ZFAND3: variants seen among roughly 807,000 people sequenced by gnomAD.
ZFAND3 encodes zinc finger AN1-type containing 3.
Under a neutral mutation model 29.6 loss-of-function variants are expected in ZFAND3, and 10 were observed. That is an observed-to-expected ratio of 0.34 (90% CI 0.21 to 0.57). The LOEUF (loss-of-function observed/expected upper bound fraction) is 0.57, where lower values mean the gene tolerates loss of function less well. Ranked by LOEUF, ZFAND3 falls within the 20% of genes least tolerant of loss-of-function variation. ZFAND3 has a pLI of 0.86. For missense variants in ZFAND3, 230 were observed against 304.5 expected, an observed-to-expected ratio of 0.76 and a Z score of 1.82; for synonymous variants, 128 against 112.6, an observed-to-expected ratio of 1.14 and a Z score of -0.87.
At chr6:38,049,945 AT>A (rs869286080) in intron 2 of ZFAND3, among the ~76,000 whole-genome samples, 793 of 30,318 alleles carry the variant, frequency 0.026, 5 homozygotes, top group African/African-American at 0.055. Flanking sequence ...TAGGCAATTA[AT>A]TTTTTTTTTT....
Position 38,061,723 on chromosome 6 carries a change from C to T in ZFAND3, c.243C>T (p.Ser81=). The T allele has an allele frequency of 6.2e-7, 1 of 1,614,138 alleles. No homozygotes were observed. The highest frequency in any genetic ancestry group is 1.3e-5 in the African/African-American group (1 of 75,036). The change falls in exon 3 of 6, where the codon AGC becomes AGT. Residue 81 remains serine, a synonymous_variant. Transcript: ENST00000287218. ...TAACCACGCCAACTCTTAGTCCCAG[C>T]CAGCAGCCGCTTCCGACAGAACTGA... ...TSITTPTLSP[S]QQPLPTELNV... is the part of the protein sequence containing the mutation.
At chr6:37,829,702 A>G (rs185948882) in intron 1 of ZFAND3, among the ~76,000 whole-genome samples, 2 of 152,284 alleles carry the variant, frequency 1.3e-5, no homozygotes, top group African/African-American at 4.8e-5. Flanking sequence ...AGTCACTGTT[A>G]ACTAGCTCAC....
chr6:38,049,954 T>TATTTA (rs1466452488), intron 2 of ZFAND3, among the ~76,000 whole-genome samples: 7 of 10,790 alleles, frequency 6.5e-4, no homozygotes, highest in Admixed American at 2.0e-3. Flanking sequence ...AATTTTTTTT[T>TATTTA]TTTTTTTTTT....
At chr6:37,887,679 TC>T (rs1324785025) in intron 1 of ZFAND3, among the ~76,000 whole-genome samples, 17 of 152,220 alleles carry the variant, frequency 1.1e-4, no homozygotes, top group Non-Finnish European at 1.3e-4. Flanking sequence ...CATGTATGCA[TC>T]TTCTCTGTTA....
chr6:38,031,483 G>A (rs1049592773), intron 2 of ZFAND3, among the ~76,000 whole-genome samples: 4 of 152,106 alleles, frequency 2.6e-5, no homozygotes, highest in African/African-American at 9.7e-5. Flanking sequence ...GTTCAGTCCT[G>A]TCCTCAATTC....
intron 4 of ZFAND3, among the ~76,000 whole-genome samples, chr6:38,112,106 A>G (rs1472761190): frequency 6.6e-6 from 1 of 152,224 alleles, no homozygotes; most frequent in East Asian, 1.9e-4. Context: ...TAATCACATT[A>G]TGATTCTTGA....
At chr6:38,143,497 T>C (rs1451568565) in intron 5 of ZFAND3, among the ~76,000 whole-genome samples, 7 of 152,380 alleles carry the variant, frequency 4.6e-5, no homozygotes, top group Middle Eastern at 3.4e-3. Flanking sequence ...TGCTTTTGGT[T>C]CTAACATTTA....
chr6:38,151,851 G>A (rs1766233050), intron 5 of ZFAND3, among the ~76,000 whole-genome samples: 1 of 152,032 alleles, frequency 6.6e-6, no homozygotes, highest in Non-Finnish European at 1.5e-5. Context: ...GGCATCCTGT[G>A]GTGGAAATCA....
intron 5 of ZFAND3, among the ~76,000 whole-genome samples, chr6:38,134,472 T>C (rs9462385): frequency 0.033 from 4,973 of 152,288 alleles, 221 homozygotes; most frequent in African/African-American, 0.096. Flanking sequence ...TTCTTTTTTT[T>C]CCTTCTCCTC....
At chr6:38,052,458 A>C (rs970303310) in intron 2 of ZFAND3, among the ~76,000 whole-genome samples, 1 of 152,200 alleles carries the variant, frequency 6.6e-6, no homozygotes, top group Non-Finnish European at 1.5e-5. Flanking sequence ...AATTGTCTGT[A>C]AGAGAATTAA....
In ZFAND3 at chr6:37,847,021, AT is replaced by A. The variant is rs76512998; in HGVS notation, c.71+27010del. On this transcript the variant is annotated intron_variant, in intron 1 of 5. Coordinates refer to ENST00000287218, the MANE Select transcript of ZFAND3 (RefSeq NM_021943.3). Reference sequence around the variant, plus strand: ...CCACTGTGCCTGGCGTATACTTGTGATTTTTATTCAGGTAGGTTTTGCATTT... The same window carrying A: ...CCACTGTGCCTGGCGTATACTTGTGATTTTATTCAGGTAGGTTTTGCATTT... Among the ~76,000 whole-genome samples, 2,572 of 152,024 alleles carry A rather than the reference AT, an allele frequency of 0.017. 251 individuals are homozygous for A. The East Asian group carries it at 0.28, about 17-fold the overall frequency.
At chr6:38,066,527 G>A (rs1420884000) in intron 3 of ZFAND3, among the ~76,000 whole-genome samples, 3 of 152,180 alleles carry the variant, frequency 2.0e-5, no homozygotes, top group South Asian at 2.1e-4. Context: ...TCCAAGTACC[G>A]TGAAATTTGT....
intron 4 of ZFAND3, among the ~76,000 whole-genome samples, chr6:38,091,105 A>C (rs1293902297): frequency 6.6e-6 from 1 of 152,254 alleles, no homozygotes; most frequent in African/African-American, 2.4e-5. Flanking sequence ...AGTCTAGTCA[A>C]GAGGAATTTT....
At chr6:38,138,186 G>A (rs1380876513) in intron 5 of ZFAND3, among the ~76,000 whole-genome samples, 1 of 152,030 alleles carries the variant, frequency 6.6e-6, no homozygotes, top group East Asian at 1.9e-4. Context: ...TATTTCTCTG[G>A]GAGAGAAACA....
chr6:38,095,526 C>T (rs1005332715), intron 4 of ZFAND3, among the ~76,000 whole-genome samples: 12 of 152,080 alleles, frequency 7.9e-5, no homozygotes, highest in Admixed American at 2.6e-4. Flanking sequence ...TAGCGCCTAC[C>T]GGTCTTTCCT....
intron 2 of ZFAND3, among the ~76,000 whole-genome samples, chr6:37,954,454 A>T (rs965486731): frequency 2.6e-5 from 4 of 152,152 alleles, no homozygotes; most frequent in African/African-American, 4.8e-5. Flanking sequence ...ATCTTCTGCT[A>T]ATCCCATCCA....
intron 2 of ZFAND3, among the ~76,000 whole-genome samples, chr6:37,982,415 TTC>T (rs1163909132): frequency 6.6e-6 from 1 of 152,128 alleles, no homozygotes; most frequent in Admixed American, 6.5e-5. Context: ...TGGAGCAGCC[TTC>T]TAGAGGGTGA....
At chr6:38,008,192 A>T (rs1763083475) in intron 2 of ZFAND3, among the ~76,000 whole-genome samples, 1 of 152,202 alleles carries the variant, frequency 6.6e-6, no homozygotes, top group African/African-American at 2.4e-5. Flanking sequence ...TAGAATAAAT[A>T]GGTTGTTGAG....
At chr6:37,899,913 C>G (rs1308148325) in intron 1 of ZFAND3, among the ~76,000 whole-genome samples, 1 of 152,152 alleles carries the variant, frequency 6.6e-6, no homozygotes, top group Non-Finnish European at 1.5e-5. Flanking sequence ...TACATTTAAA[C>G]AGTATATGTT....
Sources: gnomAD v4.1 joint callset for allele counts (sites outside exome capture counted in the v4.1 genomes callset) on GRCh38, gnomAD v4.1.1 for gene constraint, MANE v1.5 for transcripts, NCBI Gene and HGNC (gene_info 2026-07-23, HGNC 2026-07-21) for gene names.